The following MARCHF8 variants were observed in gnomAD, a reference collection of about 807,000 sequenced individuals.
The protein encoded by MARCHF8 is membrane associated ring-CH-type finger 8.
In MARCHF8, 40 loss-of-function variants were observed where a neutral mutation model predicts 51.6. That is an observed-to-expected ratio of 0.77 (90% CI 0.60 to 1.01). The LOEUF (loss-of-function observed/expected upper bound fraction) is 1.01, where lower values mean the gene tolerates loss of function less well. Ranked by LOEUF, MARCHF8 falls within the 50% of genes least tolerant of loss-of-function variation. MARCHF8 has a pLI of 0.00. For missense variants in MARCHF8, 685 were observed against 708.6 expected (o/e 0.97, Z 0.38); for synonymous variants, 263 against 280.3 (o/e 0.94, Z 0.62).
intron 2 of MARCHF8, among the ~76,000 whole-genome samples, chr10:45,509,192 G>A (rs1039076188): frequency 3.3e-5 from 5 of 152,146 alleles, no homozygotes; most frequent in Non-Finnish European, 7.4e-5. Context: ...GGAAGCCGAT[G>A]GGTTGATAAT....
At chr10:45,511,004 T>C (rs1344512962) in intron 2 of MARCHF8, among the ~76,000 whole-genome samples, 1 of 152,244 alleles carries the variant, frequency 6.6e-6, no homozygotes, top group African/African-American at 2.4e-5. Flanking sequence ...AATGGATTTA[T>C]AGTTCCCCAA....
intron 1 of MARCHF8, among the ~76,000 whole-genome samples, chr10:45,566,846 T>C (rs910125969): frequency 6.6e-6 from 1 of 152,164 alleles, no homozygotes; most frequent in Non-Finnish European, 1.5e-5. Flanking sequence ...TTTTAGTTTT[T>C]TGAGGAACCT....
intron 1 of MARCHF8, among the ~76,000 whole-genome samples, chr10:45,573,243 A>G (rs559716856): frequency 6.6e-6 from 1 of 152,158 alleles, no homozygotes; most frequent in Non-Finnish European, 1.5e-5. Flanking sequence ...TCCTGACATT[A>G]AATAAAACTC....
intron 1 of MARCHF8, among the ~76,000 whole-genome samples, chr10:45,556,942 G>GC (rs2044257933): frequency 1.3e-5 from 2 of 151,926 alleles, no homozygotes; most frequent in Non-Finnish European, 2.9e-5. Context: ...AAAAATGGTT[G>GC]TTTTTTTCTT....
chr10:45,594,610 C>CCAGCCCAGCG (rs2044717936), exon 1 of MARCHF8: 1 of 149,696 alleles, frequency 6.7e-6, no homozygotes, highest in Admixed American at 6.7e-5. Context: ...CCCACCCAGC[C>CCAGCCCAGCG]CAGCCCAGCC....
At chr10:45,550,474 T>C (rs1589169740) in intron 1 of MARCHF8, among the ~76,000 whole-genome samples, 1 of 152,224 alleles carries the variant, frequency 6.6e-6, no homozygotes, top group African/African-American at 2.4e-5. Context: ...CAGCATGTCA[T>C]TGTACAATGC....
Position 45,463,893 on chromosome 10 carries a change from C to T in MARCHF8, c.346G>A (p.Val116Met). ...CQSSLTQGLT[V>M]TVICKDTLQA... is the part of the protein sequence containing the mutation. ...AATGTGTCCTTACAGATAACTGTCA[C>T]AGTGAGCCCTTGTGTCAGAGAACTC... Residue 116 changes from valine (V) to methionine (M), a missense_variant, in exon 5 of 8, where the codon GTG becomes ATG. Coordinates refer to ENST00000453424, the MANE Select transcript of MARCHF8 (RefSeq NM_001282866.2). 1.3e-6 allele frequency: 2 copies of T among 1,536,838 alleles called. No individual in the cohort carries two copies. The highest frequency in any genetic ancestry group is 1.4e-5 in the African/African-American group (1 of 73,162).
At position 45,463,763 on chromosome 10, in the gene MARCHF8, T is replaced by C. The variant is rs761281361; in HGVS notation, c.476A>G (p.Asn159Ser). 98 of 1,551,106 alleles carry C rather than the reference T, an allele frequency of 6.3e-5. No individual in the cohort carries two copies. The highest frequency in any genetic ancestry group is 3.3e-4 in the Middle Eastern group (2 of 5,998). ...RRTLKFSRSL[N>S]DVGEKAQDTS... is the part of the protein sequence containing the mutation. ...ATCCTGCGCCTTCTCACCCACATCA[T>C]TGAGGGACCTTGAGAACTTTAGTGT... is the stretch of plus-strand genomic sequence containing the variant. The change falls in exon 5 of 8, where the codon AAT (asparagine) becomes AGT (serine). Residue 159 changes from asparagine (N) to serine (S), a missense_variant. Asn to Ser is a conservative substitution (Grantham distance 46). Coordinates refer to ENST00000453424, the MANE Select transcript of MARCHF8 (RefSeq NM_001282866.2).
intron 7 of MARCHF8, 106 bp from the exon 8 acceptor site, chr10:45,458,649 T>C (rs1589065721): frequency 2.4e-6 from 3 of 1,255,148 alleles, no homozygotes; most frequent in East Asian, 2.5e-5. Context: ...TTGTTGTTGT[T>C]GTTTTTTAAG....
rs1205561842 is a variant in MARCHF8 at position 45,491,497 on chromosome 10, C to T, written c.103-2080G>A. 4.6e-5 allele frequency among the ~76,000 whole-genome samples: 7 copies of T among 152,172 alleles called. No individual in the cohort carries two copies. In the East Asian group the frequency reaches 1.3e-3, roughly 29 times the overall value. On this transcript the variant is annotated intron_variant, in intron 2 of 7. Transcript: ENST00000453424. ...GAGGTTGCAGTGAGCTGAGATCACA[C>T]CACTGCACTGCATTCCAGCCTGGGC...
At chr10:45,533,412 T>C (rs2043921981) in intron 1 of MARCHF8, 123 bp from the exon 2 acceptor site, 1 of 505,356 alleles carries the variant, frequency 2.0e-6, no homozygotes, top group Non-Finnish European at 2.9e-6. Flanking sequence ...GCAACATAAA[T>C]GTTTGGTCTT....
intron 2 of MARCHF8, among the ~76,000 whole-genome samples, chr10:45,520,937 T>C (rs1005599638): frequency 6.6e-6 from 1 of 152,244 alleles, no homozygotes; most frequent in Non-Finnish European, 1.5e-5. Context: ...CTTTGTTCTT[T>C]ATCTGTAATA....
intron 1 of MARCHF8, among the ~76,000 whole-genome samples, chr10:45,580,115 A>G (rs1170341122): frequency 6.6e-6 from 1 of 152,044 alleles, no homozygotes; most frequent in East Asian, 1.9e-4. Context: ...TATTCATCAA[A>G]TGATAACTAT....
chr10:45,580,322 A>T (rs1401584068), intron 1 of MARCHF8, among the ~76,000 whole-genome samples: 1 of 152,210 alleles, frequency 6.6e-6, no homozygotes, highest in Non-Finnish European at 1.5e-5. Context: ...AAAAAAATTC[A>T]TAAAGCTCAG....
chr10:45,512,600 T>TG lies in MARCHF8; in HGVS notation c.102+20509dup, dbSNP rs1190047192. Reference sequence around the variant, plus strand: ...CCAGCCGCCCAGTCCGGGAGGGAGGTGGGGGGGTCAGCCCCCCGCCCGGCC... The same window carrying TG: ...CCAGCCGCCCAGTCCGGGAGGGAGGTGGGGGGGGTCAGCCCCCCGCCCGGCC... On this transcript the variant is annotated intron_variant, in intron 2 of 7. Coordinates refer to ENST00000453424, the MANE Select transcript of MARCHF8 (RefSeq NM_001282866.2). Among the ~76,000 whole-genome samples, 35 of 125,354 alleles carry TG rather than the reference T, an allele frequency of 2.8e-4. No homozygotes were observed. In the South Asian group the frequency reaches 2.9e-3, roughly 11 times the overall value. The allele number at this position is 125,354 out of a possible 152,430, so 82.2% of individuals were successfully genotyped here. A position where few individuals can be genotyped will look rare whatever the true frequency, so the allele number is the denominator to read the frequency against.
chr10:45,572,665 G>A (rs33997730), intron 1 of MARCHF8, among the ~76,000 whole-genome samples: 8,450 of 151,942 alleles, frequency 0.056, 276 homozygotes, highest in Non-Finnish European at 0.066. Context: ...AATGCAACTC[G>A]TCCCAAATCT....
Position 45,458,275 on chromosome 10 carries a change from C to G in MARCHF8, c.1686G>C (p.Glu562Asp). 1 of 1,613,656 alleles carries G rather than the reference C, an allele frequency of 6.2e-7. No homozygotes were observed. Among genetic ancestry groups the G allele is most frequent in the Non-Finnish European group, 8.5e-7 (1 of 1,179,852 alleles). The change falls in exon 8 of 8, where the codon GAG (glutamate) becomes GAC (aspartate). Residue 562 changes from glutamate to aspartate, a missense_variant. By Grantham distance (45) the Glu-to-Asp change is conservative. Coordinates refer to ENST00000453424, the MANE Select transcript of MARCHF8 (RefSeq NM_001282866.2). ...TGATTTCTGCTCCAGTGTCTTCAGG[C>G]TCTGTGCAACAAGAAGAGTTTGTGT... is the stretch of plus-strand genomic sequence containing the variant. ...HSDTNSSCCTEPEDTGAEIIH... is the reference protein window; with the variant it reads ...HSDTNSSCCTDPEDTGAEIIH...
At chr10:45,567,164 T>C (rs1181672617) in intron 1 of MARCHF8, among the ~76,000 whole-genome samples, 1 of 152,240 alleles carries the variant, frequency 6.6e-6, no homozygotes, top group Non-Finnish European at 1.5e-5. Context: ...ACTCCTTATA[T>C]ACTCTGGTTA....
chr10:45,533,058 T>C (rs2043913049), intron 2 of MARCHF8, 52 bp downstream of exon 2: 4 of 1,441,550 alleles, frequency 2.8e-6, no homozygotes, highest in Non-Finnish European at 3.7e-6. Flanking sequence ...AGGTCATCTT[T>C]AATAAAAATT....
Sources: gnomAD v4.1 joint callset for allele counts (sites outside exome capture counted in the v4.1 genomes callset) on GRCh38, gnomAD v4.1.1 for gene constraint, MANE v1.5 for transcripts, NCBI Gene and HGNC (gene_info 2026-07-23, HGNC 2026-07-21) for gene names.